The following UCN variants were observed in gnomAD, a reference collection of about 807,000 sequenced individuals.
UCN encodes the protein prepro-urocortin.
A neutral mutation model predicts 6.5 loss-of-function variants in UCN; 5 were observed. That is an observed-to-expected ratio of 0.77 (90% CI 0.40 to 1.62). UCN has a LOEUF of 1.62. Among genes scored for constraint, UCN ranks in the 40% most tolerant of loss-of-function variants. The probability of loss-of-function intolerance (pLI) is 0.02; values close to 1 mark genes in which losing one functional copy is unlikely to be tolerated. For synonymous variants in UCN, 95 were observed against 96.4 expected, an observed-to-expected ratio of 0.99 and a Z score of 0.09; for missense variants, 195 against 188.8, an observed-to-expected ratio of 1.03 and a Z score of -0.19.
In UCN at chr2:27,307,735, A is replaced by AGC. The variant is rs1407829204; in HGVS notation, c.159_160dup (p.Leu54ArgfsTer107). On this transcript the variant is annotated frameshift_variant, in exon 2 of 2. Transcript: ENST00000296099. LOFTEE classifies it high-confidence loss of function. This position sits in a 1 kb window ranked among gnomAD's most constrained non-coding sequence, Gnocchi z 6.9. ...GAAGCGCTCCGCCAGCAGCAAGAGG[A>AGC]GCGCGCGGGCCCCGCCACCCTGGTT... 6.6e-7 allele frequency: 1 copy of AGC among 1,511,806 alleles called. No individual in the cohort carries two copies. Among genetic ancestry groups the AGC allele is most frequent in the African/African-American group, 1.4e-5 (1 of 69,370 alleles). 93.6% of individuals were successfully genotyped at this position (1,511,806 alleles called of 1,614,324 possible). A position where few individuals can be genotyped will look rare whatever the true frequency, so the allele number is the denominator to read the frequency against.
Position 27,307,936 on chromosome 2 carries a change from A to C in UCN, c.-13-28T>G. 7.3e-7 allele frequency: 1 copy of C among 1,368,924 alleles called. No individual in the cohort carries two copies. Among genetic ancestry groups the C allele is most frequent in the Non-Finnish European group, 9.4e-7 (1 of 1,066,334 alleles). 84.8% of individuals were successfully genotyped at this position (1,368,924 alleles called of 1,614,324 possible). A position where few individuals can be genotyped will look rare whatever the true frequency, so the allele number is the denominator to read the frequency against. ...GGACACACAGGGGCAGCGCAGGGTG[A>C]GGTGCGCCTGGGACAGCTGCAGGCC... On this transcript the variant is annotated intron_variant, in intron 1 of 1. Coordinates refer to ENST00000296099, the MANE Select transcript of UCN (RefSeq NM_003353.4). This position sits in a 1 kb window ranked among gnomAD's most constrained non-coding sequence, Gnocchi z 6.9.
chr2:27,307,728 C>G lies in UCN; in HGVS notation c.168G>C (p.Leu56Phe), dbSNP rs1679275078. The change falls in exon 2 of 2, where the codon TTG becomes TTC. Residue 56 changes from leucine to phenylalanine, a missense_variant. Coordinates refer to ENST00000296099, the MANE Select transcript of UCN (RefSeq NM_003353.4). The surrounding 1 kb of genome is among the most constrained non-coding windows in gnomAD (Gnocchi z 6.9). The stretch of plus-strand genomic sequence containing the variant: ...GGCGCGGGAAGCGCTCCGCCAGCAG[C>G]AAGAGGAGCGCGCGGGCCCCGCCAC... Reference protein sequence around the residue: ...NQGGGARALLLLLAERFPRRA... With the variant: ...NQGGGARALLFLLAERFPRRA... The G allele has an allele frequency of 1.3e-6, 2 of 1,518,964 alleles. No individual in the cohort carries two copies. The allele number at this position is 1,518,964 out of a possible 1,614,324, so 94.1% of individuals were successfully genotyped here. A position where few individuals can be genotyped will look rare whatever the true frequency, so the allele number is the denominator to read the frequency against.
rs1161216528 is a variant in UCN, at chr2:27,307,630, A to G, written c.266T>C (p.Ile89Thr). The G allele has an allele frequency of 2.5e-6, 4 of 1,611,946 alleles. No homozygotes were observed. The highest frequency in any genetic ancestry group is 2.2e-5 in the South Asian group (2 of 91,058). The change falls in exon 2 of 2, where the codon ATT (isoleucine) becomes ACT (threonine). Residue 89 changes from isoleucine (I) to threonine (T), a missense_variant. Transcript: ENST00000296099. This position sits in a 1 kb window ranked among gnomAD's most constrained non-coding sequence, Gnocchi z 6.9. ...RPRRDNPSLS[I>T]DLTFHLLRTL... Reference sequence around the variant, plus strand: ...CCGCAGCAGGTGAAAGGTGAGGTCAATGGACAGAGAAGGGTTGTCCCGCCG... The same window carrying G: ...CCGCAGCAGGTGAAAGGTGAGGTCAGTGGACAGAGAAGGGTTGTCCCGCCG...
rs1470562465 is a variant in UCN, at chr2:27,307,908, C to A, written c.-13G>T. On this transcript the variant is annotated splice_region_variant and 5_prime_UTR_variant, in exon 2 of 2. Coordinates refer to ENST00000296099, the MANE Select transcript of UCN (RefSeq NM_003353.4). This position sits in a 1 kb window ranked among gnomAD's most constrained non-coding sequence, Gnocchi z 6.9. ...CCGCCTGCCTCATGGTGCCGCCGGC[C>A]CTGGACACACAGGGGCAGCGCAGGG... The A allele has an allele frequency of 1.4e-5, 20 of 1,449,552 alleles. No homozygotes were observed. The highest frequency in any genetic ancestry group is 3.0e-5 in the African/African-American group (2 of 67,206). 89.8% of individuals were successfully genotyped at this position (1,449,552 alleles called of 1,614,324 possible). A position where few individuals can be genotyped will look rare whatever the true frequency, so the allele number is the denominator to read the frequency against.
Position 27,307,452 on chromosome 2 carries a change from C to G in UCN, c.*69G>C. The G allele has an allele frequency of 1.2e-6, 2 of 1,603,266 alleles. No homozygotes were observed. The highest frequency in any genetic ancestry group is 1.7e-6 in the Non-Finnish European group (2 of 1,176,632). Reference sequence around the variant, plus strand: ...AGTCACGCAGACAGTGCCCTGGTGGCTCTGCCCCGCATCCCAACTCTGGGG... The same window carrying G: ...AGTCACGCAGACAGTGCCCTGGTGGGTCTGCCCCGCATCCCAACTCTGGGG... On this transcript the variant is annotated 3_prime_UTR_variant, in exon 2 of 2. Coordinates refer to ENST00000296099, the MANE Select transcript of UCN (RefSeq NM_003353.4). The surrounding 1 kb of genome is among the most constrained non-coding windows in gnomAD (Gnocchi z 6.9).
In UCN at chr2:27,308,221, G is replaced by A. The variant is rs1021098139; in HGVS notation, c.-75C>T. On this transcript the variant is annotated 5_prime_UTR_variant, in exon 1 of 2. Transcript: ENST00000296099. This position sits in a 1 kb window ranked among gnomAD's most constrained non-coding sequence, Gnocchi z 4.2. ...GCTCCAGTCTCTGTCCCTCGGGGCA[G>A]GCTGAAGACGCCTTGGGGAACACAG... is the stretch of plus-strand genomic sequence containing the variant. 3.9e-6 allele frequency: 1 copy of A among 255,354 alleles called. No homozygotes were observed. Among genetic ancestry groups the A allele is most frequent in the Non-Finnish European group, 7.3e-6 (1 of 136,284 alleles). 15.8% of individuals were successfully genotyped at this position (255,354 alleles called of 1,614,324 possible).
Position 27,307,507 on chromosome 2 carries a change from C to T in UCN, c.*14G>A, listed in dbSNP as rs2148208904. 6.2e-7 allele frequency: 1 copy of T among 1,612,786 alleles called. No homozygotes were observed. Among genetic ancestry groups the T allele is most frequent in the Non-Finnish European group, 8.5e-7 (1 of 1,179,904 alleles). ...GGAAAGGGGTCAACGTTTTCGCAGC[C>T]CCAAACCGGGCCATCACTTGCCCAC... On this transcript the variant is annotated 3_prime_UTR_variant, in exon 2 of 2. Transcript: ENST00000296099. The surrounding 1 kb of genome is among the most constrained non-coding windows in gnomAD (Gnocchi z 6.9).
Position 27,308,050 on chromosome 2 carries a change from G to T in UCN, c.-14+110C>A. On this transcript the variant is annotated intron_variant, in intron 1 of 1. Transcript: ENST00000296099. The surrounding 1 kb of genome is among the most constrained non-coding windows in gnomAD (Gnocchi z 4.2). ...CCCTCCAGCCCCAGCCACTGCGCCA[G>T]TGCTGTTCCATCCCTTCCACCCAGC... is the stretch of plus-strand genomic sequence containing the variant. 1.3e-6 allele frequency: 1 copy of T among 746,860 alleles called. No individual in the cohort carries two copies. Among genetic ancestry groups the T allele is most frequent in the Non-Finnish European group, 1.9e-6 (1 of 527,712 alleles). 46.3% of individuals were successfully genotyped at this position (746,860 alleles called of 1,614,324 possible).
Position 27,307,589 on chromosome 2 carries a change from C to T in UCN, c.307G>A (p.Ala103Thr). Residue 103 changes from alanine to threonine, a missense_variant, in exon 2 of 2, where the codon GCG becomes ACG. Ala to Thr is a moderately conservative substitution (Grantham distance 58). Coordinates refer to ENST00000296099, the MANE Select transcript of UCN (RefSeq NM_003353.4). The surrounding 1 kb of genome is among the most constrained non-coding windows in gnomAD (Gnocchi z 6.9). ...CGCTCCCGCTGGCTCTGCGTCCGCG[C>T]CAGCTCCAGCAGGGTCCGCAGCAGG... ...FHLLRTLLEL[A>T]RTQSQRERAE... The T allele has an allele frequency of 6.2e-7, 1 of 1,612,878 alleles. No individual in the cohort carries two copies. Among genetic ancestry groups the T allele is most frequent in the Non-Finnish European group, 8.5e-7 (1 of 1,179,972 alleles).
chr2:27,307,435 A>C lies in UCN; in HGVS notation c.*86T>G. The C allele has an allele frequency of 1.3e-6, 2 of 1,579,980 alleles. No homozygotes were observed. The highest frequency in any genetic ancestry group is 2.3e-5 in the South Asian group (2 of 88,306). Reference sequence around the variant, plus strand: ...TACTTTTATTAAAAAATAGTCACGCAGACAGTGCCCTGGTGGCTCTGCCCC... The same window carrying C: ...TACTTTTATTAAAAAATAGTCACGCCGACAGTGCCCTGGTGGCTCTGCCCC... On this transcript the variant is annotated 3_prime_UTR_variant, in exon 2 of 2. Transcript: ENST00000296099. This position sits in a 1 kb window ranked among gnomAD's most constrained non-coding sequence, Gnocchi z 6.9.
rs527539651 is a variant in UCN, at chr2:27,308,150, A to G, written c.-14+10T>C. On this transcript the variant is annotated intron_variant, in intron 1 of 1. Coordinates refer to ENST00000296099, the MANE Select transcript of UCN (RefSeq NM_003353.4). This position sits in a 1 kb window ranked among gnomAD's most constrained non-coding sequence, Gnocchi z 4.2. ...AGGGGGAGGCTGGGCGGACGCTCTG[A>G]GCCACTCACAGGTTGTCGGCGAGCG... 17 of 387,444 alleles carry G rather than the reference A, an allele frequency of 4.4e-5. No individual in the cohort carries two copies. In the South Asian group the frequency reaches 1.0e-3, roughly 23 times the overall value. The allele number at this position is 387,444 out of a possible 1,614,324, so 24.0% of individuals were successfully genotyped here. A position where few individuals can be genotyped will look rare whatever the true frequency, so the allele number is the denominator to read the frequency against.
Position 27,307,770 on chromosome 2 carries a change from G to T in UCN, c.126C>A (p.Pro42=), listed in dbSNP as rs1432613223. 1.3e-6 allele frequency: 2 copies of T among 1,508,650 alleles called. No individual in the cohort carries two copies. Among genetic ancestry groups the T allele is most frequent in the East Asian group, 2.7e-5 (1 of 36,928 alleles). The allele number at this position is 1,508,650 out of a possible 1,614,324, so 93.5% of individuals were successfully genotyped here. A position where few individuals can be genotyped will look rare whatever the true frequency, so the allele number is the denominator to read the frequency against. The change falls in exon 2 of 2, where the codon CCC becomes CCA. Residue 42 remains proline, a synonymous_variant. Coordinates refer to ENST00000296099, the MANE Select transcript of UCN (RefSeq NM_003353.4). The surrounding 1 kb of genome is among the most constrained non-coding windows in gnomAD (Gnocchi z 6.9). ...GVQDPSLRWS[P]GARNQGGGAR... ...CCCCGCCACCCTGGTTCCGTGCCCC[G>T]GGGCTCCAGCGCAGACTCGGGTCCT...
In UCN at chr2:27,307,773, G is replaced by T. The variant is rs1413943183; in HGVS notation, c.123C>A (p.Ser41Arg). 2.0e-6 allele frequency: 3 copies of T among 1,509,198 alleles called. No homozygotes were observed. Among genetic ancestry groups the T allele is most frequent in the Admixed American group, 4.5e-5 (2 of 44,594 alleles). The allele number at this position is 1,509,198 out of a possible 1,614,324, so 93.5% of individuals were successfully genotyped here. The part of the protein sequence containing the change: ...AGVQDPSLRW[S>R]PGARNQGGGA... ...CGCCACCCTGGTTCCGTGCCCCGGGGCTCCAGCGCAGACTCGGGTCCTGGA... is the reference window on the plus strand; with the variant it reads ...CGCCACCCTGGTTCCGTGCCCCGGGTCTCCAGCGCAGACTCGGGTCCTGGA... Residue 41 changes from serine to arginine, a missense_variant, in exon 2 of 2, where the codon AGC becomes AGA. Transcript: ENST00000296099. This position sits in a 1 kb window ranked among gnomAD's most constrained non-coding sequence, Gnocchi z 6.9.
In UCN at chr2:27,307,451, G is replaced by T. The variant is rs1318595141; in HGVS notation, c.*70C>A. On this transcript the variant is annotated 3_prime_UTR_variant, in exon 2 of 2. Coordinates refer to ENST00000296099, the MANE Select transcript of UCN (RefSeq NM_003353.4). The surrounding 1 kb of genome is among the most constrained non-coding windows in gnomAD (Gnocchi z 6.9). ...TAGTCACGCAGACAGTGCCCTGGTG[G>T]CTCTGCCCCGCATCCCAACTCTGGG... The T allele has an allele frequency of 5.0e-6, 8 of 1,602,200 alleles. No individual in the cohort carries two copies. The Admixed American group carries it at 1.2e-4, about 24-fold the overall frequency.
Position 27,307,982 on chromosome 2 carries a change from C to T in UCN, c.-13-74G>A. On this transcript the variant is annotated intron_variant, in intron 1 of 1. Transcript: ENST00000296099. This position sits in a 1 kb window ranked among gnomAD's most constrained non-coding sequence, Gnocchi z 6.9. ...AGGCCGCCGCTCCCCTCCCCGCGCT[C>T]GCCCGGCGACCCCTCCGGCCGCCGC... is the stretch of plus-strand genomic sequence containing the variant. The T allele has an allele frequency of 3.1e-6, 4 of 1,291,692 alleles. No homozygotes were observed. Among genetic ancestry groups the T allele is most frequent in the Non-Finnish European group, 3.9e-6 (4 of 1,018,312 alleles). The allele number at this position is 1,291,692 out of a possible 1,614,324, so 80.0% of individuals were successfully genotyped here. A position where few individuals can be genotyped will look rare whatever the true frequency, so the allele number is the denominator to read the frequency against.
At position 27,307,659 on chromosome 2, in the gene UCN, C is replaced by T; in HGVS notation, c.237G>A (p.Arg79=). ...ACAGAGAAGGGTTGTCCCGCCGCGGCCGCTCGCCTGCCGTCCCGAGTCCCA... is the reference window on the plus strand; with the variant it reads ...ACAGAGAAGGGTTGTCCCGCCGCGGTCGCTCGCCTGCCGTCCCGAGTCCCA... The part of the protein sequence containing the change: ...GRLGLGTAGE[R]PRRDNPSLSI... The change falls in exon 2 of 2, where the codon CGG becomes CGA. Residue 79 remains arginine, a synonymous_variant. Transcript: ENST00000296099. This position sits in a 1 kb window ranked among gnomAD's most constrained non-coding sequence, Gnocchi z 6.9. 2.5e-6 allele frequency: 4 copies of T among 1,605,856 alleles called. No individual in the cohort carries two copies. The highest frequency in any genetic ancestry group is 3.4e-6 in the Non-Finnish European group (4 of 1,176,994).
At position 27,307,412 on chromosome 2, in the gene UCN, C is replaced by G. The variant is rs1474272642; in HGVS notation, c.*109G>C. 5 of 1,509,534 alleles carry G rather than the reference C, an allele frequency of 3.3e-6. No individual in the cohort carries two copies. The African/African-American group carries it at 5.6e-5, about 17-fold the overall frequency. The allele number at this position is 1,509,534 out of a possible 1,614,324, so 93.5% of individuals were successfully genotyped here. A position where few individuals can be genotyped will look rare whatever the true frequency, so the allele number is the denominator to read the frequency against. On this transcript the variant is annotated 3_prime_UTR_variant, in exon 2 of 2. Coordinates refer to ENST00000296099, the MANE Select transcript of UCN (RefSeq NM_003353.4). This position sits in a 1 kb window ranked among gnomAD's most constrained non-coding sequence, Gnocchi z 6.9. ...GACAAAAGCCAACGGGTCTTCAGTA[C>G]TTTTATTAAAAAATAGTCACGCAGA...
In UCN at chr2:27,307,998, C is replaced by G. The variant is rs533086126; in HGVS notation, c.-13-90G>C. The G allele has an allele frequency of 1.6e-6, 2 of 1,224,992 alleles. No homozygotes were observed. The highest frequency in any genetic ancestry group is 3.2e-5 in the African/African-American group (2 of 62,500). 75.9% of individuals were successfully genotyped at this position (1,224,992 alleles called of 1,614,324 possible). A position where few individuals can be genotyped will look rare whatever the true frequency, so the allele number is the denominator to read the frequency against. On this transcript the variant is annotated intron_variant, in intron 1 of 1. Coordinates refer to ENST00000296099, the MANE Select transcript of UCN (RefSeq NM_003353.4). This position sits in a 1 kb window ranked among gnomAD's most constrained non-coding sequence, Gnocchi z 6.9. ...CCCCGCGCTCGCCCGGCGACCCCTC[C>G]GGCCGCCGCCCAATGCCCGCAGCCT... is the stretch of plus-strand genomic sequence containing the variant.
Position 27,307,697 on chromosome 2 carries a change from C to G in UCN, c.199G>C (p.Gly67Arg). The change falls in exon 2 of 2, where the codon GGG becomes CGG. Residue 67 changes from glycine (G) to arginine (R), a missense_variant. Coordinates refer to ENST00000296099, the MANE Select transcript of UCN (RefSeq NM_003353.4). The surrounding 1 kb of genome is among the most constrained non-coding windows in gnomAD (Gnocchi z 6.9). ...LLAERFPRRA[G>R]PGRLGLGTAG... is the part of the protein sequence containing the mutation. ...GTCCCGAGTCCCAATCGGCCGGGCC[C>G]CGCGCGGCGCGGGAAGCGCTCCGCC... 2.6e-6 allele frequency: 4 copies of G among 1,567,312 alleles called. No homozygotes were observed. The highest frequency in any genetic ancestry group is 1.4e-5 in the African/African-American group (1 of 72,600).
Sources: gnomAD v4.1 joint callset for allele counts on GRCh38, gnomAD v4.1.1 for gene constraint, Gnocchi (gnomAD v3.1) non-coding constraint, MANE v1.5 for transcripts, NCBI Gene and HGNC (gene_info 2026-07-23, HGNC 2026-07-21) for gene names.